The following SLCO2A1 variants were observed in gnomAD, a reference collection of about 807,000 sequenced individuals.
SLCO2A1 encodes the protein matrin F/G 1.
Under a neutral mutation model 71.7 loss-of-function variants are expected in SLCO2A1, and 60 were observed. The observed-to-expected ratio is 0.84, with a 90% CI of 0.68 to 1.04. The LOEUF (loss-of-function observed/expected upper bound fraction) is 1.04, where lower values mean the gene tolerates loss of function less well. Among genes scored for constraint, SLCO2A1 ranks in the 50% least tolerant of loss-of-function variants. SLCO2A1 has a pLI of 0.00. For missense variants in SLCO2A1, 745 were observed against 813.4 expected (o/e 0.92, Z 1.02); for synonymous variants, 308 against 326.7 (o/e 0.94, Z 0.62).
chr3:133,948,978 G>T lies in SLCO2A1; in HGVS notation c.862-7C>A. The T allele has an allele frequency of 6.2e-7, 1 of 1,612,950 alleles. No individual in the cohort carries two copies. Among genetic ancestry groups the T allele is most frequent in the Middle Eastern group, 1.7e-4 (1 of 6,056 alleles). Reference sequence around the variant, plus strand: ...CTGCTGTGGCAGGAGCCCTCTGAAGGCAATAAAAGGGGTGAGTGTTCACGG... The same window carrying T: ...CTGCTGTGGCAGGAGCCCTCTGAAGTCAATAAAAGGGGTGAGTGTTCACGG... On this transcript the variant is annotated splice_region_variant and splice_polypyrimidine_tract_variant and intron_variant, in intron 6 of 13. Coordinates refer to ENST00000310926, the MANE Select transcript of SLCO2A1 (RefSeq NM_005630.3).
At chr3:134,004,671 C>T (rs72980389) in intron 1 of SLCO2A1, among the ~76,000 whole-genome samples, 20,825 of 151,664 alleles carry the variant, frequency 0.14, 1,619 homozygotes, top group Non-Finnish European at 0.17. Context: ...GGGTCCAAAA[C>T]AAAAAAAGGT....
intron 1 of SLCO2A1, among the ~76,000 whole-genome samples, chr3:133,981,150 C>T (rs1934578624): frequency 6.6e-6 from 1 of 152,242 alleles, no homozygotes; most frequent in Non-Finnish European, 1.5e-5. Context: ...GGCTTAGATG[C>T]TAGTCACCTG....
chr3:133,985,876 T>C (rs765268752), intron 1 of SLCO2A1, among the ~76,000 whole-genome samples: 6 of 152,228 alleles, frequency 3.9e-5, no homozygotes, highest in Non-Finnish European at 7.3e-5. Flanking sequence ...CAATCATTTA[T>C]ACATTTGCCC....
intron 2 of SLCO2A1, 151 bp from the exon 3 acceptor site, chr3:133,973,976 T>C (rs1934394734): frequency 1.2e-6 from 1 of 839,440 alleles, no homozygotes; most frequent in Non-Finnish European, 1.8e-6. Flanking sequence ...CAGTGTCAGC[T>C]TTTCCCAGAG....
intron 3 of SLCO2A1, among the ~76,000 whole-genome samples, chr3:133,960,710 G>A (rs1934014732): frequency 6.6e-6 from 1 of 152,204 alleles, no homozygotes. Flanking sequence ...TAAAATTTAT[G>A]TTATATATAT....
rs149529847 is a variant in SLCO2A1 at position 133,934,714 on chromosome 3, C to G, written c.1931G>C (p.Ter644SerextTer59). ...YNVQKAAGLI[*>S] is the part of the protein sequence containing the mutation. ...GCAGGGCAGTGGCCCAGGGTGGGGT[C>G]AGATGAGGCCTGCCGCCTTCTGCAC... Residue 644 changes from the stop codon to serine, a stop_lost, in exon 14 of 14, where the codon TGA (stop) becomes TCA (serine). Transcript: ENST00000310926. 18 of 1,611,686 alleles carry G rather than the reference C, an allele frequency of 1.1e-5. No individual in the cohort carries two copies. In the African/African-American group the frequency reaches 2.3e-4, roughly 20 times the overall value.
At chr3:133,996,855 C>G (rs999683251) in intron 1 of SLCO2A1, among the ~76,000 whole-genome samples, 5 of 152,222 alleles carry the variant, frequency 3.3e-5, no homozygotes, top group African/African-American at 1.2e-4. Flanking sequence ...AAGCACACTT[C>G]TGTGGTCACT....
At chr3:133,983,432 A>G (rs1934640074) in intron 1 of SLCO2A1, among the ~76,000 whole-genome samples, 1 of 152,218 alleles carries the variant, frequency 6.6e-6, no homozygotes. Context: ...GTGCAGATTG[A>G]AGATTTGTCA....
intron 1 of SLCO2A1, among the ~76,000 whole-genome samples, chr3:134,006,107 A>G (rs1935209471): frequency 6.6e-6 from 1 of 152,156 alleles, no homozygotes; most frequent in African/African-American, 2.4e-5. Flanking sequence ...CCTGGGCTGG[A>G]GTGCAGTGGT....
intron 1 of SLCO2A1, among the ~76,000 whole-genome samples, chr3:134,007,175 T>A (rs1050040400): frequency 6.6e-6 from 1 of 152,240 alleles, no homozygotes; most frequent in African/African-American, 2.4e-5. Flanking sequence ...ATTCGGTTTG[T>A]TGTTGTTGAG....
In SLCO2A1 at chr3:133,945,250, A is replaced by G; in HGVS notation, c.1306T>C (p.Ser436Pro). The G allele has an allele frequency of 6.2e-7, 1 of 1,601,742 alleles. No individual in the cohort carries two copies. The highest frequency in any genetic ancestry group is 8.5e-7 in the Non-Finnish European group (1 of 1,176,576). ...CAGGCAGGAGACTGCGGATGTATAG[A>G]ACTTGATGTGCTGCCAGCAAAAGAG... is the stretch of plus-strand genomic sequence containing the variant. ...AEVYPPSTSS[S>P]IHPQSPACRR... The change falls in exon 10 of 14, where the codon TCT (serine) becomes CCT (proline). Residue 436 changes from serine to proline, a missense_variant. Transcript: ENST00000310926.
intron 12 of SLCO2A1, among the ~76,000 whole-genome samples, chr3:133,936,942 C>G (rs1247245199): frequency 6.6e-6 from 1 of 152,144 alleles, no homozygotes; most frequent in Non-Finnish European, 1.5e-5. Flanking sequence ...AATTTAAAAC[C>G]TGTAATAGGA....
chr3:134,027,220 A>G (rs1935715634), intron 1 of SLCO2A1, among the ~76,000 whole-genome samples: 1 of 152,216 alleles, frequency 6.6e-6, no homozygotes, highest in South Asian at 2.1e-4. Context: ...CTTATGCCCA[A>G]TTTCTGCCTC....
intron 10 of SLCO2A1, 115 bp downstream of exon 10, chr3:133,944,980 A>AGTGT (rs139999843): frequency 1.2e-5 from 14 of 1,125,256 alleles, no homozygotes; most frequent in Admixed American, 4.7e-5. Context: ...GCTGGTAATG[A>AGTGT]GTGTGTGTGT....
chr3:133,946,962 A>T (rs1933593812), intron 9 of SLCO2A1, among the ~76,000 whole-genome samples: 2 of 152,070 alleles, frequency 1.3e-5, no homozygotes, highest in Admixed American at 1.3e-4. Context: ...TAAAAATACA[A>T]AAATTAGCCG....
chr3:133,971,524 A>G (rs1417927734), intron 3 of SLCO2A1, among the ~76,000 whole-genome samples: 1 of 152,190 alleles, frequency 6.6e-6, no homozygotes, highest in African/African-American at 2.4e-5. Context: ...TTCTTGCCCT[A>G]TTCTTTTCCT....
chr3:133,945,207 C>T lies in SLCO2A1; in HGVS notation c.1349G>A (p.Cys450Tyr). The T allele has an allele frequency of 6.2e-7, 1 of 1,614,104 alleles. No homozygotes were observed. Among genetic ancestry groups the T allele is most frequent in the Non-Finnish European group, 8.5e-7 (1 of 1,180,002 alleles). The change falls in exon 10 of 14, where the codon TGC (cysteine) becomes TAC (tyrosine). Residue 450 changes from cysteine to tyrosine, a missense_variant. Transcript: ENST00000310926. The stretch of plus-strand genomic sequence containing the variant: ...GACCGGGTGGAAGATAGAATCTGGG[C>T]ACGAGCAGTCCCTGCGGCAGGCAGG... ...QSPACRRDCS[C>Y]PDSIFHPVCG...
At chr3:133,979,372 G>C in intron 2 of SLCO2A1, 109 bp downstream of exon 2, 1 of 1,343,756 alleles carries the variant, frequency 7.4e-7, no homozygotes, top group South Asian at 1.2e-5. Flanking sequence ...GCAGAAAGAG[G>C]CATTGCACCT....
chr3:134,014,557 C>T (rs910494704), intron 1 of SLCO2A1, among the ~76,000 whole-genome samples: 11 of 152,258 alleles, frequency 7.2e-5, no homozygotes, highest in Admixed American at 3.9e-4. Context: ...CGGGTGCTTT[C>T]GCCAGGTTTC....
Sources: gnomAD v4.1 joint callset for allele counts (sites outside exome capture counted in the v4.1 genomes callset) on GRCh38, gnomAD v4.1.1 for gene constraint, MANE v1.5 for transcripts, NCBI Gene and HGNC (gene_info 2026-07-23, HGNC 2026-07-21) for gene names.